The following SATB1 variants were observed in gnomAD, a reference collection of about 807,000 sequenced individuals.
SATB1 encodes SATB homeobox 1.
A neutral mutation model predicts 86.9 loss-of-function variants in SATB1; 11 were observed. The observed-to-expected ratio is 0.13, with a 90% CI of 0.08 to 0.21. SATB1 has a LOEUF of 0.21. Among genes scored for constraint, SATB1 ranks in the 10% least tolerant of loss-of-function variants. SATB1 has a pLI of 1.00. For synonymous variants in SATB1, 357 were observed against 357.2 expected (o/e 1.00, Z 0.01); for missense variants, 551 against 937.6 (o/e 0.59, Z 5.39).
At chr3:18,362,860 C>CAAAA (rs35470564) in intron 9 of SATB1, among the ~76,000 whole-genome samples, 8,905 of 31,774 alleles carry the variant, frequency 0.28, 1,621 homozygotes, top group Admixed American at 0.39. Flanking sequence ...ATGCCATGTG[C>CAAAA]AAAAAAAAAA....
intron 9 of SATB1, among the ~76,000 whole-genome samples, chr3:18,353,860 A>G (rs1180601654): frequency 6.6e-6 from 1 of 152,222 alleles, no homozygotes; most frequent in Non-Finnish European, 1.5e-5. Flanking sequence ...ATGTCTTTTA[A>G]TTAAGCAAAT....
In SATB1 at chr3:18,415,993, C is replaced by T; in HGVS notation, c.515+14G>A. 2 of 1,562,924 alleles carry T rather than the reference C, an allele frequency of 1.3e-6. No homozygotes were observed. Among genetic ancestry groups the T allele is most frequent in the Non-Finnish European group, 1.7e-6 (2 of 1,148,274 alleles). ...AGAAGAATGTTTCACCCTAGATTTG[C>T]TGTCTTGACTCACCTGTGTAACTGA... On this transcript the variant is annotated intron_variant, in intron 4 of 10. Transcript: ENST00000338745.
intron 9 of SATB1, among the ~76,000 whole-genome samples, chr3:18,356,681 C>T (rs571889911): frequency 1.4e-3 from 207 of 152,008 alleles, no homozygotes; most frequent in Non-Finnish European, 2.5e-4. Flanking sequence ...TCCAACCAAA[C>T]TCAATCTCTG....
At chr3:18,353,938 G>A (rs80136412) in intron 9 of SATB1, among the ~76,000 whole-genome samples, 2,241 of 152,270 alleles carry the variant, frequency 0.015, 54 homozygotes, top group African/African-American at 0.051. Flanking sequence ...TCAAGGTTAA[G>A]ACAGCAGGCA....
upstream of SATB1, among the ~76,000 whole-genome samples, chr3:18,441,124 T>C (rs80097982): frequency 2.5e-3 from 385 of 152,292 alleles, 1 homozygote; most frequent in African/African-American, 8.7e-3. Flanking sequence ...TTAATTCCAA[T>C]AGAAATATTG....
At chr3:18,442,162 C>A (rs1699259520), upstream of SATB1, among the ~76,000 whole-genome samples, 1 of 152,084 alleles carries the variant, frequency 6.6e-6, no homozygotes, top group Non-Finnish European at 1.5e-5. Flanking sequence ...TCTTCTTTCT[C>A]TATCTTCCCC....
intron 2 of SATB1, among the ~76,000 whole-genome samples, chr3:18,432,607 A>C (rs1029370068): frequency 6.6e-6 from 1 of 152,174 alleles, no homozygotes; most frequent in African/African-American, 2.4e-5. Context: ...GTAACACTTG[A>C]AATTTGTTGA....
At chr3:18,406,998 C>G (rs73040320) in intron 5 of SATB1, among the ~76,000 whole-genome samples, 21,955 of 151,962 alleles carry the variant, frequency 0.14, 2,051 homozygotes, top group East Asian at 0.4. Context: ...TCCTTTGGGA[C>G]AATTACAGTG....
chr3:18,412,208 G>C (rs559513996), intron 5 of SATB1, among the ~76,000 whole-genome samples: 1 of 152,172 alleles, frequency 6.6e-6, no homozygotes, highest in South Asian at 2.1e-4. Context: ...AGGGACACTG[G>C]CTCCTTCAAT....
At chr3:18,369,361 C>T (rs984584472) in intron 9 of SATB1, among the ~76,000 whole-genome samples, 2 of 151,704 alleles carry the variant, frequency 1.3e-5, no homozygotes, top group African/African-American at 4.8e-5. Context: ...AAGCCCAACA[C>T]AGAATACAAT....
At chr3:18,402,997 G>C (rs1242554221) in intron 5 of SATB1, among the ~76,000 whole-genome samples, 3 of 151,970 alleles carry the variant, frequency 2.0e-5, no homozygotes, top group African/African-American at 7.2e-5. Flanking sequence ...TTTTCAACCA[G>C]AACAGTCCTG....
At chr3:18,356,531 AAC>A (rs1694650889) in intron 9 of SATB1, among the ~76,000 whole-genome samples, 1 of 151,918 alleles carries the variant, frequency 6.6e-6, no homozygotes, top group Non-Finnish European at 1.5e-5. Context: ...TGGTCCATGA[AAC>A]ACATGACTGT....
upstream of SATB1, among the ~76,000 whole-genome samples, chr3:18,428,237 A>T (rs1215618094): frequency 6.6e-6 from 1 of 152,300 alleles, no homozygotes; most frequent in African/African-American, 2.4e-5. Flanking sequence ...ACTGGATATT[A>T]CATGGCAAGG....
chr3:18,426,198 G>A (rs1460761676), upstream of SATB1, among the ~76,000 whole-genome samples: 1 of 152,220 alleles, frequency 6.6e-6, no homozygotes, highest in African/African-American at 2.4e-5. The surrounding 1 kb of genome is among the most constrained non-coding windows in gnomAD (Gnocchi z 4.2). Context: ...AAGGAGGGTG[G>A]TCCTTAAACT....
At chr3:18,353,512 A>G (rs955557171) in intron 9 of SATB1, among the ~76,000 whole-genome samples, 1 of 152,032 alleles carries the variant, frequency 6.6e-6, no homozygotes, top group Admixed American at 6.5e-5. Flanking sequence ...TTTTAAATAA[A>G]TTAGTTGGAT....
Position 18,432,369 on chromosome 3 carries a change from G to A in SATB1, c.-25+4420C>T, listed in dbSNP as rs147433866. 9.9e-5 allele frequency among the ~76,000 whole-genome samples: 15 copies of A among 152,258 alleles called. No homozygotes were observed. In the East Asian group the frequency reaches 2.9e-3, roughly 29 times the overall value. On this transcript the variant is annotated intron_variant, in intron 2 of 3. Coordinates refer to the SATB1 transcript ENST00000414509. ...CCAAATTTCCTTAGTTGATATGAATGTTATTTCTAATCTTTCCTAGCTTAA... is the reference window on the plus strand; with the variant it reads ...CCAAATTTCCTTAGTTGATATGAATATTATTTCTAATCTTTCCTAGCTTAA...
At chr3:18,393,906 T>C (rs2125114326) in intron 7 of SATB1, among the ~76,000 whole-genome samples, 1 of 152,348 alleles carries the variant, frequency 6.6e-6, no homozygotes, top group Non-Finnish European at 1.5e-5. Context: ...ACAAATATTT[T>C]ATGTTAATAA....
At chr3:18,416,188 C>G in intron 3 of SATB1, 55 bp from the exon 4 acceptor site, 1 of 1,416,550 alleles carries the variant, frequency 7.1e-7, no homozygotes, top group Non-Finnish European at 9.6e-7. Context: ...GATAATATAT[C>G]TACTAGAAGG....
Position 18,433,671 on chromosome 3 carries a change from A to G in SATB1, c.-25+3118T>C, listed in dbSNP as rs547445827. On this transcript the variant is annotated intron_variant, in intron 2 of 3. Coordinates refer to the SATB1 transcript ENST00000414509. ...AATTAAGGAATGCTAATAAAGTGAA[A>G]CCAACTTACAAACATATATTTATTA... Among the ~76,000 whole-genome samples the G allele has an allele frequency of 3.3e-5, 5 of 152,200 alleles. No individual in the cohort carries two copies. The South Asian group carries it at 1.0e-3, about 32-fold the overall frequency.
Sources: gnomAD v4.1 joint callset for allele counts (sites outside exome capture counted in the v4.1 genomes callset) on GRCh38, gnomAD v4.1.1 for gene constraint, Gnocchi (gnomAD v3.1) non-coding constraint, MANE v1.5 for transcripts, NCBI Gene and HGNC (gene_info 2026-07-23, HGNC 2026-07-21) for gene names.